The following KDM2A variants were observed in gnomAD, a reference collection of about 807,000 sequenced individuals.
The protein encoded by KDM2A is lysine-specific demethylase 2A.
KDM2A carries 3 observed loss-of-function variants against 137.3 expected under a neutral mutation model. The observed-to-expected ratio is 0.02, with a 90% CI of 0.01 to 0.06. KDM2A has a LOEUF of 0.06. KDM2A is among the 10% of genes least tolerant of loss of function. KDM2A has a pLI of 1.00. For missense variants in KDM2A, 738 were observed against 1,510.6 expected (o/e 0.49, Z 8.48); for synonymous variants, 512 against 541.5 (o/e 0.95, Z 0.76).
At chr11:67,132,832 C>T (rs1295145713) in intron 2 of KDM2A, among the ~76,000 whole-genome samples, 1 of 152,170 alleles carries the variant, frequency 6.6e-6, no homozygotes, top group Non-Finnish European at 1.5e-5. Flanking sequence ...CTTACTGAAC[C>T]AGAAACTCTG....
intron 5 of KDM2A, among the ~76,000 whole-genome samples, chr11:67,189,808 C>T (rs1488618753): frequency 6.6e-6 from 1 of 152,094 alleles, no homozygotes; most frequent in Non-Finnish European, 1.5e-5. Flanking sequence ...CATTGCACTC[C>T]AGCCGGGGCA....
chr11:67,134,869 C>G (rs1201203977), intron 2 of KDM2A, among the ~76,000 whole-genome samples: 1 of 152,154 alleles, frequency 6.6e-6, no homozygotes, highest in African/African-American at 2.4e-5. Flanking sequence ...TTTCCCACAT[C>G]ATGCTTTGCA....
intron 13 of KDM2A, among the ~76,000 whole-genome samples, chr11:67,244,742 A>G (rs187237566): frequency 3.3e-5 from 5 of 152,148 alleles, no homozygotes; most frequent in Non-Finnish European, 1.5e-5. Context: ...TCCCAGCACT[A>G]TGGGATGCCA....
At chr11:67,195,121 T>C (rs1452775505) in intron 5 of KDM2A, among the ~76,000 whole-genome samples, 9 of 152,034 alleles carry the variant, frequency 5.9e-5, no homozygotes, top group Admixed American at 5.9e-4. Flanking sequence ...CCATTGAGAA[T>C]AGTGGTATTG....
At chr11:67,177,201 G>A (rs1856989714) in intron 2 of KDM2A, among the ~76,000 whole-genome samples, 1 of 152,106 alleles carries the variant, frequency 6.6e-6, no homozygotes, top group Non-Finnish European at 1.5e-5. Context: ...GGGAGGTGGA[G>A]GTTGCAGAGA....
chr11:67,207,842 T>C (rs1345222557), intron 6 of KDM2A, among the ~76,000 whole-genome samples, 154 bp downstream of exon 6: 1 of 151,830 alleles, frequency 6.6e-6, no homozygotes, highest in East Asian at 1.9e-4. Flanking sequence ...CGGGGCAACA[T>C]GGTGAAACCA....
intron 8 of KDM2A, chr11:67,217,442 A>C: frequency 2.6e-6 from 1 of 388,202 alleles, no homozygotes; most frequent in South Asian, 2.7e-5. Context: ...CAGAGTGTTT[A>C]AGGGACTGCC....
In KDM2A at chr11:67,169,380, CTTTTTTT is replaced by C. The variant is rs1169905276; in HGVS notation, c.43-10689_43-10683del. ...TTGGTTTCTTTCTTTCTTTCTTTTTCTTTTTTTTTTTTTTTTGAGATGAAGTTTCGCT... is the reference window on the plus strand; with the variant it reads ...TTGGTTTCTTTCTTTCTTTCTTTTTCTTTTTTTTTGAGATGAAGTTTCGCT... On this transcript the variant is annotated intron_variant, in intron 2 of 20. Coordinates refer to ENST00000529006, the MANE Select transcript of KDM2A (RefSeq NM_012308.3). Among the ~76,000 whole-genome samples the C allele has an allele frequency of 1.4e-4, 18 of 132,638 alleles. No individual in the cohort carries two copies. The South Asian group carries it at 3.8e-3, about 28-fold the overall frequency. 87.0% of individuals were successfully genotyped at this position (132,638 alleles called of 152,430 possible). A position where few individuals can be genotyped will look rare whatever the true frequency, so the allele number is the denominator to read the frequency against.
intron 5 of KDM2A, chr11:67,195,648 AGTT>A (rs1455416974): frequency 6.5e-6 from 1 of 154,518 alleles, no homozygotes; most frequent in African/African-American, 2.4e-5. Context: ...TATTTTTATT[AGTT>A]GTTCATGCTC....
chr11:67,189,149 C>T (rs962362500), intron 5 of KDM2A, among the ~76,000 whole-genome samples: 1 of 152,104 alleles, frequency 6.6e-6, no homozygotes, highest in African/African-American at 2.4e-5. Context: ...TTCCAGGATA[C>T]ACCATATGTT....
In KDM2A at chr11:67,242,985, C is replaced by T. The variant is rs1001968479; in HGVS notation, c.1480-24C>T. On this transcript the variant is annotated intron_variant, in intron 12 of 20. Transcript: ENST00000529006. ...CTTTGTTCACCCTGCCCTGATTTTT[C>T]CTTCTTTTCCCTCCTACCCTTAGAT... 5 of 1,604,916 alleles carry T rather than the reference C, an allele frequency of 3.1e-6. No individual in the cohort carries two copies. The Admixed American group carries it at 6.7e-5, about 21-fold the overall frequency.
intron 3 of KDM2A, among the ~76,000 whole-genome samples, chr11:67,180,943 T>C (rs947966933): frequency 2.6e-5 from 4 of 151,162 alleles, no homozygotes; most frequent in African/African-American, 9.8e-5. Flanking sequence ...ATTACAGGTA[T>C]GAGCCACCAC....
At chr11:67,158,698 T>G (rs749298175) in intron 2 of KDM2A, among the ~76,000 whole-genome samples, 9 of 152,188 alleles carry the variant, frequency 5.9e-5, no homozygotes, top group Non-Finnish European at 1.2e-4. Flanking sequence ...TGTCTCACTA[T>G]GTTACCCGGG....
chr11:67,125,942 C>CAAA (rs59801773), intron 2 of KDM2A, among the ~76,000 whole-genome samples: 13 of 50,432 alleles, frequency 2.6e-4, no homozygotes, highest in South Asian at 7.9e-4. Flanking sequence ...GGCTTCACCT[C>CAAA]AAAAAAAAAA....
In KDM2A at chr11:67,181,901, C is replaced by T. The variant is rs368849359; in HGVS notation, c.307+9C>T. ...TGTCAAAATGTGTGTGGGTAAGTGT[C>T]GAGCTTTTGGCCTCTGTCTTTAAGG... On this transcript the variant is annotated intron_variant, in intron 5 of 20. Transcript: ENST00000529006. The T allele has an allele frequency of 5.1e-5, 83 of 1,613,166 alleles. No individual in the cohort carries two copies. Among genetic ancestry groups the T allele is most frequent in the South Asian group, 6.6e-5 (6 of 91,052 alleles).
intron 2 of KDM2A, among the ~76,000 whole-genome samples, chr11:67,126,917 A>C (rs1171045215): frequency 1.3e-5 from 2 of 152,072 alleles, no homozygotes; most frequent in African/African-American, 4.8e-5. Context: ...GGCTTCTCTT[A>C]AGTAAGACTT....
intron 2 of KDM2A, among the ~76,000 whole-genome samples, chr11:67,138,668 C>G (rs1856024269): frequency 6.6e-6 from 1 of 152,090 alleles, no homozygotes. Flanking sequence ...GTAATCCAAC[C>G]TACTAGGGAA....
chr11:67,195,928 C>G (rs1471847231), intron 5 of KDM2A: 3 of 412,884 alleles, frequency 7.3e-6, no homozygotes, highest in Non-Finnish European at 1.5e-5. Context: ...CTACCACTTA[C>G]AGCAACTTTC....
intron 12 of KDM2A, among the ~76,000 whole-genome samples, chr11:67,235,189 G>A (rs967679806): frequency 4.0e-5 from 6 of 151,528 alleles, no homozygotes; most frequent in African/African-American, 1.2e-4. Flanking sequence ...TTGCCTTACC[G>A]GTAAACTGGT....
Sources: gnomAD v4.1 joint callset for allele counts (sites outside exome capture counted in the v4.1 genomes callset) on GRCh38, gnomAD v4.1.1 for gene constraint, MANE v1.5 for transcripts, NCBI Gene and HGNC (gene_info 2026-07-23, HGNC 2026-07-21) for gene names.